IKBKB: variants seen among roughly 807,000 people sequenced by gnomAD.
IKBKB encodes inhibitor of nuclear factor kappa-B kinase subunit beta.
A neutral mutation model predicts 113.6 loss-of-function variants in IKBKB; 42 were observed. That is an observed-to-expected ratio of 0.37 (90% confidence interval 0.29 to 0.48). IKBKB has a LOEUF of 0.48. IKBKB is among the 20% of genes least tolerant of loss of function. The pLI is 0.99. For synonymous variants in IKBKB, 296 were observed against 361.3 expected, an observed-to-expected ratio of 0.82 and a Z score of 2.05; for missense variants, 673 against 939.7, an observed-to-expected ratio of 0.72 and a Z score of 3.71.
chr8:42,303,084 AG>A (rs1815651601), intron 5 of IKBKB, among the ~76,000 whole-genome samples: 3 of 144,436 alleles, frequency 2.1e-5, no homozygotes, highest in Non-Finnish European at 3.0e-5. Flanking sequence ...AGAGAGAGAG[AG>A]AGAGAATGAG....
chr8:42,312,826 C>T (rs549243210), intron 8 of IKBKB, among the ~76,000 whole-genome samples: 2 of 152,324 alleles, frequency 1.3e-5, no homozygotes, highest in Non-Finnish European at 2.9e-5. Flanking sequence ...CACCACTTGC[C>T]AATGAGAATT....
rs566286153 is a variant in IKBKB at position 42,301,096 on chromosome 8, A to T, written c.389-4091A>T. ...GGTCTCAAACTCTTGGCCTCAAGGG[A>T]TCCTCCTCCCTCGGCCTCCGAAAGT... is the stretch of plus-strand genomic sequence containing the variant. On this transcript the variant is annotated intron_variant, in intron 5 of 21. Coordinates refer to ENST00000520810, the MANE Select transcript of IKBKB (RefSeq NM_001556.3). 5.3e-5 allele frequency among the ~76,000 whole-genome samples: 8 copies of T among 151,962 alleles called. No individual in the cohort carries two copies. In the South Asian group the frequency reaches 1.7e-3, roughly 32 times the overall value.
chr8:42,298,850 A>T (rs904887123), intron 5 of IKBKB, among the ~76,000 whole-genome samples: 7 of 152,148 alleles, frequency 4.6e-5, no homozygotes, highest in Non-Finnish European at 1.0e-4. Flanking sequence ...CATCTCTGAC[A>T]TCCGCCAGCT....
intron 5 of IKBKB, among the ~76,000 whole-genome samples, chr8:42,303,149 A>AGAG (rs1815765523): frequency 6.3e-5 from 8 of 127,188 alleles, no homozygotes; most frequent in Non-Finnish European, 7.5e-5. Context: ...AGAGAGAATG[A>AGAG]GAGAGAGAAT....
In IKBKB at chr8:42,332,215, G is replaced by A. The variant is rs149139440; in HGVS notation, c.*1236G>A. ...CCATGGAGATAGAATGAAGCATTCT[G>A]TGGTCAAGTAAGTTTAGGGAGCTAT... On this transcript the variant is annotated 3_prime_UTR_variant, in exon 22 of 22. Transcript: ENST00000520810. The A allele has an allele frequency of 1.3e-5, 2 of 152,372 alleles. No homozygotes were observed. The highest frequency in any genetic ancestry group is 3.9e-4 in the East Asian group (2 of 5,194). 9.4% of individuals were successfully genotyped at this position (152,372 alleles called of 1,614,324 possible).
chr8:42,297,424 C>T (rs1323812565), intron 5 of IKBKB, among the ~76,000 whole-genome samples: 2 of 152,158 alleles, frequency 1.3e-5, no homozygotes, highest in East Asian at 1.9e-4. Flanking sequence ...CACCCTTGAC[C>T]GCTGGGTCCG....
chr8:42,274,194 T>C (rs980314520), intron 2 of IKBKB, among the ~76,000 whole-genome samples: 1 of 152,004 alleles, frequency 6.6e-6, no homozygotes, highest in Non-Finnish European at 1.5e-5. Flanking sequence ...CCATGCCAGC[T>C]AATTTTTGTA....
At position 42,331,034 on chromosome 8, in the gene IKBKB, T is replaced by TG. The variant is rs1821636350; in HGVS notation, c.*61dup. The stretch of plus-strand genomic sequence containing the variant: ...GCAGCCCATAGCAGGCCTTGTGCAG[T>TG]GGGGGGACTCGACCCCCTGACATGG... On this transcript the variant is annotated 3_prime_UTR_variant, in exon 22 of 22. Transcript: ENST00000520810. The TG allele has an allele frequency of 6.9e-6, 11 of 1,596,724 alleles. No homozygotes were observed. Among genetic ancestry groups the TG allele is most frequent in the South Asian group, 4.4e-5 (4 of 90,088 alleles).
chr8:42,308,848 C>T lies in IKBKB; in HGVS notation c.568-53C>T, dbSNP rs1817095398. ...AGATGGGCTGGCCGCCCCCTCCTGC[C>T]GTGGTCCCCCCAGAGAGGAGCAGCT... is the stretch of plus-strand genomic sequence containing the variant. On this transcript the variant is annotated intron_variant, in intron 7 of 21. Transcript: ENST00000520810. 8 of 1,586,254 alleles carry T rather than the reference C, an allele frequency of 5.0e-6. 1 individual carries two copies. The highest frequency in any genetic ancestry group is 2.2e-5 in the South Asian group (2 of 89,070).
chr8:42,312,539 T>C (rs1012237152), intron 8 of IKBKB, among the ~76,000 whole-genome samples: 1 of 152,208 alleles, frequency 6.6e-6, no homozygotes, highest in Admixed American at 6.5e-5. Context: ...TCCAGACAAA[T>C]GCAATTTGGG....
Position 42,308,881 on chromosome 8 carries a change from A to AC in IKBKB, c.568-15dup. On this transcript the variant is annotated intron_variant, in intron 7 of 21. Transcript: ENST00000520810. ...CCCCAGAGAGGAGCAGCTCAGGTGT[A>AC]CCCCCTCCTGTTGCTGCAGGCCCCA... 1 of 1,612,776 alleles carries AC rather than the reference A, an allele frequency of 6.2e-7. No individual in the cohort carries two copies. The highest frequency in any genetic ancestry group is 8.5e-7 in the Non-Finnish European group (1 of 1,179,182).
chr8:42,294,759 GC>G (rs1237183354), intron 5 of IKBKB, among the ~76,000 whole-genome samples: 2 of 152,172 alleles, frequency 1.3e-5, no homozygotes, highest in Non-Finnish European at 2.9e-5. Context: ...CCTGCACATG[GC>G]CCGCATGAGT....
intron 2 of IKBKB, among the ~76,000 whole-genome samples, chr8:42,280,290 C>T (rs1177880450): frequency 6.6e-6 from 1 of 152,206 alleles, no homozygotes; most frequent in East Asian, 1.9e-4. Flanking sequence ...TGTGGTTCTC[C>T]TGCCACGCGG....
At chr8:42,300,087 CT>C (rs1277600161) in intron 5 of IKBKB, among the ~76,000 whole-genome samples, 2 of 152,236 alleles carry the variant, frequency 1.3e-5, no homozygotes, top group African/African-American at 2.4e-5. Flanking sequence ...AGTTGTCGCA[CT>C]TTCGCCTTGG....
chr8:42,290,384 C>A, intron 4 of IKBKB, 111 bp downstream of exon 4: 2 of 740,150 alleles, frequency 2.7e-6, no homozygotes, highest in East Asian at 2.6e-5. Flanking sequence ...TTGGGGAGCC[C>A]CAGTGACTCC....
rs1181813943 is a variant in IKBKB at position 42,316,693 on chromosome 8, TC to T, written c.931-16del. ...TGAAGAAATCGGTTTTCCAGTAACATCTGGGTTGTGTTGCAGCTGGTTCATA... is the reference window on the plus strand; with the variant it reads ...TGAAGAAATCGGTTTTCCAGTAACATTGGGTTGTGTTGCAGCTGGTTCATA... On this transcript the variant is annotated splice_polypyrimidine_tract_variant and intron_variant, in intron 10 of 21. Coordinates refer to ENST00000520810, the MANE Select transcript of IKBKB (RefSeq NM_001556.3). This position sits in a 1 kb window ranked among gnomAD's most constrained non-coding sequence, Gnocchi z 4.5. 1.2e-6 allele frequency: 2 copies of T among 1,605,118 alleles called. No individual in the cohort carries two copies. Among genetic ancestry groups the T allele is most frequent in the Admixed American group, 3.4e-5 (2 of 59,634 alleles).
intron 2 of IKBKB, among the ~76,000 whole-genome samples, chr8:42,275,190 A>G (rs1252910471): frequency 6.8e-6 from 1 of 146,546 alleles, no homozygotes; most frequent in Middle Eastern, 3.2e-3. Context: ...TTTTTTTTTT[A>G]ATTTTTAATT....
At position 42,322,447 on chromosome 8, in the gene IKBKB, CAGG is replaced by C; in HGVS notation, c.1942_1944del (p.Glu648del). 1 of 1,614,030 alleles carries C rather than the reference CAGG, an allele frequency of 6.2e-7. No individual in the cohort carries two copies. The highest frequency in any genetic ancestry group is 8.5e-7 in the Non-Finnish European group (1 of 1,180,026). ...GGATGAGAAGACTGTTGTCCGGCTGCAGGAGAAGCGGCAGAAGGAGCTCTGGAA... is the reference window on the plus strand; with the variant it reads ...GGATGAGAAGACTGTTGTCCGGCTGCAGAAGCGGCAGAAGGAGCTCTGGAA... On this transcript the variant is annotated inframe_deletion, in exon 19 of 22. Coordinates refer to ENST00000520810, the MANE Select transcript of IKBKB (RefSeq NM_001556.3).
intron 2 of IKBKB, among the ~76,000 whole-genome samples, chr8:42,281,303 C>T (rs1057192806): frequency 6.6e-6 from 1 of 152,204 alleles, no homozygotes; most frequent in Non-Finnish European, 1.5e-5. Context: ...AGTGAGGCTG[C>T]GGTCGTTTAT....
Sources: gnomAD v4.1 joint callset for allele counts (sites outside exome capture counted in the v4.1 genomes callset) on GRCh38, gnomAD v4.1.1 for gene constraint, Gnocchi (gnomAD v3.1) non-coding constraint, MANE v1.5 for transcripts, NCBI Gene and HGNC (gene_info 2026-07-23, HGNC 2026-07-21) for gene names.